CAPN12: variants seen among roughly 807,000 people sequenced by gnomAD.
CAPN12 encodes the protein calpain 12.
In CAPN12, 107 loss-of-function variants were observed where a neutral mutation model predicts 95.0. The observed-to-expected ratio is 1.13, with a 90% CI of 0.96 to 1.32. CAPN12 has a LOEUF of 1.32. Among genes scored for constraint, CAPN12 ranks in the 40% most tolerant of loss-of-function variants. The pLI is 0.00. For missense variants in CAPN12, 1,136 were observed against 997.8 expected, an observed-to-expected ratio of 1.14 and a Z score of -1.87; for synonymous variants, 505 against 415.5, an observed-to-expected ratio of 1.22 and a Z score of -2.62.
At chr19:38,734,013 A>T in intron 17 of CAPN12, 129 bp downstream of exon 17, 3 of 1,026,344 alleles carry the variant, frequency 2.9e-6, no homozygotes, top group Non-Finnish European at 4.3e-6. Flanking sequence ...TATCCCAGCC[A>T]GATCTCTCCA....
In CAPN12 at chr19:38,742,487, A is replaced by T; in HGVS notation, c.349T>A (p.Tyr117Asn). ...FLAAAASLTLYPRLLRRVVPP... is the reference protein window; with the variant it reads ...FLAAAASLTLNPRLLRRVVPP... ...ACCACCCGGCGCAGGAGCCGGGGAT[A>T]CAGAGTAAGGGAGGCGGCAGCTGCA... The change falls in exon 3 of 21, where the codon TAT (tyrosine) becomes AAT (asparagine). Residue 117 changes from tyrosine to asparagine, a missense_variant. Transcript: ENST00000328867. The T allele has an allele frequency of 6.2e-7, 1 of 1,613,714 alleles. No individual in the cohort carries two copies. Among genetic ancestry groups the T allele is most frequent in the Non-Finnish European group, 8.5e-7 (1 of 1,179,778 alleles).
chr19:38,733,731 G>T lies in CAPN12; in HGVS notation c.1929C>A (p.Tyr643Ter), dbSNP rs150655757. 9.3e-6 allele frequency: 15 copies of T among 1,613,556 alleles called. No individual in the cohort carries two copies. The Admixed American group carries it at 2.3e-4, about 25-fold the overall frequency. The change falls in exon 18 of 21, where the codon TAC becomes TAA. Residue 643 changes from tyrosine to a stop codon, truncating the protein, a stop_gained. Transcript: ENST00000328867. LOFTEE classifies it high-confidence loss of function. ...DEDTSGTMNS[Y>*]ELRLALNAAG... is the part of the protein sequence containing the mutation. The stretch of plus-strand genomic sequence containing the variant: ...CTGCATTCAGTGCCAGCCTCAGCTC[G>T]TAGGAGTTCATGGTTCCAGAGGTGT...
chr19:38,737,583 T>C lies in CAPN12; in HGVS notation c.1021A>G (p.Ser341Gly), dbSNP rs371272646. 6.2e-7 allele frequency: 1 copy of C among 1,612,138 alleles called. No homozygotes were observed. The highest frequency in any genetic ancestry group is 1.3e-5 in the African/African-American group (1 of 75,000). Residue 341 changes from serine to glycine, a missense_variant, in exon 9 of 21, where the codon AGC becomes GGC. Coordinates refer to ENST00000328867, the MANE Select transcript of CAPN12 (RefSeq NM_144691.4). ...HFDTVQICSLSPEVLGPSPEG... is the reference protein window; with the variant it reads ...HFDTVQICSLGPEVLGPSPEG... ...GGGCTGGGGCCCAGCACCTCCGGGC[T>C]CAGCGAGCAGATCTGCACGGTGTCG...
At chr19:38,730,927 CAG>C (rs1969536697) in intron 20 of CAPN12, 36 bp downstream of exon 20, 1 of 1,550,436 alleles carries the variant, frequency 6.4e-7, no homozygotes, top group South Asian at 1.2e-5. Flanking sequence ...GCTCGCAGGA[CAG>C]AGCCTGAGCC....
chr19:38,737,789 CCTCTAG>C (rs1213720542), intron 8 of CAPN12, 151 bp from the exon 9 acceptor site: 1 of 1,077,960 alleles, frequency 9.3e-7, no homozygotes, highest in African/African-American at 1.6e-5. Context: ...AATGCCTGGG[CCTCTAG>C]CTCTGCCAAA....
rs1427680211 is a variant in CAPN12 at position 38,736,160 on chromosome 19, G to A, written c.1533C>T (p.Asp511=). 6 of 1,514,162 alleles carry A rather than the reference G, an allele frequency of 4.0e-6. No homozygotes were observed. Among genetic ancestry groups the A allele is most frequent in the East Asian group, 5.4e-5 (2 of 37,070 alleles). 93.8% of individuals were successfully genotyped at this position (1,514,162 alleles called of 1,614,324 possible). Residue 511 remains aspartate, a synonymous_variant, in exon 12 of 21, where the codon GAC becomes GAT. Coordinates refer to ENST00000328867, the MANE Select transcript of CAPN12 (RefSeq NM_144691.4). ...LVVPSTAHAG[D]EADFTLRVFS... is the part of the protein sequence containing the mutation. ...AGACACGCAGAGTGAAGTCAGCCTC[G>A]TCGCCGGCGTGGGCGGTGCTCGGCA... is the stretch of plus-strand genomic sequence containing the variant.
chr19:38,744,535 C>T (rs542164480), upstream of CAPN12: 3 of 333,546 alleles, frequency 9.0e-6, no homozygotes, highest in Non-Finnish European at 1.1e-5. Flanking sequence ...GGGTTTACCT[C>T]GGTGTCTCTA....
chr19:38,734,424 C>T (rs1969866237), intron 15 of CAPN12, 35 bp from the exon 16 acceptor site: 2 of 1,541,030 alleles, frequency 1.3e-6, no homozygotes, highest in South Asian at 1.2e-5. Context: ...ACAGCACTTC[C>T]TGCATTCTGG....
chr19:38,731,563 C>T, intron 18 of CAPN12: 1 of 360,730 alleles, frequency 2.8e-6, no homozygotes. Flanking sequence ...TTCTGTGCAG[C>T]AAAAAATATA....
intron 2 of CAPN12, among the ~76,000 whole-genome samples, 160 bp from the exon 3 acceptor site, chr19:38,742,688 A>G (rs1360491731): frequency 2.0e-5 from 3 of 151,842 alleles, no homozygotes; most frequent in Non-Finnish European, 4.4e-5. Flanking sequence ...CTCCACTACA[A>G]GAAAATTTAA....
rs1236219779 is a variant in CAPN12 at position 38,730,226 on chromosome 19, T to TATTA, written c.*622_*625dup. 1.3e-5 allele frequency: 2 copies of TATTA among 157,232 alleles called. No individual in the cohort carries two copies. Among genetic ancestry groups the TATTA allele is most frequent in the Admixed American group, 1.2e-4 (2 of 16,306 alleles). The allele number at this position is 157,232 out of a possible 1,614,324, so 9.7% of individuals were successfully genotyped here. A position where few individuals can be genotyped will look rare whatever the true frequency, so the allele number is the denominator to read the frequency against. The stretch of plus-strand genomic sequence containing the variant: ...TATTTACTTTATTAACTTACGGATT[T>TATTA]ATTATATAAATATATATTCACCTAG... On this transcript the variant is annotated 3_prime_UTR_variant, in exon 21 of 21. Transcript: ENST00000328867.
At position 38,736,832 on chromosome 19, in the gene CAPN12, C is replaced by T. The variant is rs866198996; in HGVS notation, c.1363-269G>A. On this transcript the variant is annotated intron_variant, in intron 10 of 20. Coordinates refer to ENST00000328867, the MANE Select transcript of CAPN12 (RefSeq NM_144691.4). ...CCCAGCCTCTCTCTGTCCCTAACCT[C>T]GTCCCTCTGTCTGTCCCTGAGCCCC... 245 of 585,566 alleles carry T rather than the reference C, an allele frequency of 4.2e-4. 1 individual carries two copies. Among genetic ancestry groups the T allele is most frequent in the African/African-American group, 6.6e-4 (34 of 51,486 alleles). The allele number at this position is 585,566 out of a possible 1,614,324, so 36.3% of individuals were successfully genotyped here.
At chr19:38,733,941 C>A in intron 17 of CAPN12, 160 bp from the exon 18 acceptor site, 1 of 793,594 alleles carries the variant, frequency 1.3e-6, no homozygotes, top group African/African-American at 1.7e-5. Flanking sequence ...GTTTCCCAAT[C>A]TGTAAAATGG....
Position 38,736,133 on chromosome 19 carries a change from G to A in CAPN12, c.1560C>T (p.Phe520=), listed in dbSNP as rs373743240. 9.5e-4 allele frequency: 1,432 copies of A among 1,510,498 alleles called. 3 individuals are homozygous for A. Among genetic ancestry groups the A allele is most frequent in the Admixed American group, 1.6e-3 (79 of 48,040 alleles). 93.6% of individuals were successfully genotyped at this position (1,510,498 alleles called of 1,614,324 possible). Residue 520 remains phenylalanine (F), a synonymous_variant, in exon 12 of 21, where the codon TTC becomes TTT. Transcript: ENST00000328867. ...ACACGGCCGTGTGGCGGCGCTCGGA[G>A]AAGACACGCAGAGTGAAGTCAGCCT... ...GDEADFTLRV[F]SERRHTAVEI... is the part of the protein sequence containing the mutation.
chr19:38,738,005 A>C lies in CAPN12; in HGVS notation c.965+268T>G, dbSNP rs1358943440. Among the ~76,000 whole-genome samples the C allele has an allele frequency of 7.9e-5, 12 of 152,126 alleles. 1 individual carries two copies. Among genetic ancestry groups the C allele is most frequent in the Admixed American group, 7.9e-4 (12 of 15,264 alleles). ...CAAGCCTTCCTCCATTGCCCTAAAT[A>C]CTGCCCATCCCTTTCAATCCTCCAC... On this transcript the variant is annotated intron_variant, in intron 8 of 20. Transcript: ENST00000328867.
chr19:38,742,022 T>C (rs1970575650), intron 3 of CAPN12, 112 bp from the exon 4 acceptor site: 1 of 1,460,762 alleles, frequency 6.8e-7, no homozygotes, highest in Non-Finnish European at 9.2e-7. Context: ...AAGTCAACGT[T>C]AACTATGAAA....
rs1248186512 is a variant in CAPN12 at position 38,738,335 on chromosome 19, C to G, written c.903G>C (p.Trp301Cys). ...TGAWSDSCPR[W>C]DTLPTECRDA... Reference sequence around the variant, plus strand: ...CGCGGCACTCGGTGGGGAGTGTGTCCCAGCGTGGGCAGCTGGAGAGACTGT... The same window carrying G: ...CGCGGCACTCGGTGGGGAGTGTGTCGCAGCGTGGGCAGCTGGAGAGACTGT... Residue 301 changes from tryptophan (W) to cysteine (C), a missense_variant, in exon 8 of 21, where the codon TGG becomes TGC. Coordinates refer to ENST00000328867, the MANE Select transcript of CAPN12 (RefSeq NM_144691.4). 3 of 1,612,012 alleles carry G rather than the reference C, an allele frequency of 1.9e-6. No homozygotes were observed. The highest frequency in any genetic ancestry group is 2.5e-6 in the Non-Finnish European group (3 of 1,179,984).
intron 17 of CAPN12, 47 bp downstream of exon 17, chr19:38,734,095 G>A: frequency 1.9e-6 from 3 of 1,604,582 alleles, no homozygotes; most frequent in Non-Finnish European, 1.7e-6. Flanking sequence ...GTCTCTGTTA[G>A]TAAAGGTTTC....
Position 38,736,557 on chromosome 19 carries a change from C to T in CAPN12, c.1369G>A (p.Glu457Lys). ...TVGFHVFQIP[E>K]ELLGLWDSPR... ...TGACCCCATCCCAGACTCACCTCCTCTGGAATCTGAAAGAAGCAAGAGCAA... is the reference window on the plus strand; with the variant it reads ...TGACCCCATCCCAGACTCACCTCCTTTGGAATCTGAAAGAAGCAAGAGCAA... The change falls in exon 11 of 21, where the codon GAG (glutamate) becomes AAG (lysine). Residue 457 changes from glutamate to lysine, a missense_variant. Transcript: ENST00000328867. 1 of 1,577,710 alleles carries T rather than the reference C, an allele frequency of 6.3e-7. No homozygotes were observed. The highest frequency in any genetic ancestry group is 1.2e-5 in the South Asian group (1 of 86,468).
Sources: gnomAD v4.1 joint callset for allele counts (sites outside exome capture counted in the v4.1 genomes callset) on GRCh38, gnomAD v4.1.1 for gene constraint, MANE v1.5 for transcripts, NCBI Gene and HGNC (gene_info 2026-07-23, HGNC 2026-07-21) for gene names.